The following HSF2BP variants were observed in gnomAD, a reference collection of about 807,000 sequenced individuals.
HSF2BP encodes the protein heat shock factor 2-binding protein.
HSF2BP carries 35 observed loss-of-function variants against 35.0 expected under a neutral mutation model. The ratio of observed to expected loss-of-function variants is 1.00; its 90% CI spans 0.76 to 1.32. The LOEUF is 1.32. Ranked by LOEUF, HSF2BP falls within the 40% of genes most tolerant of loss-of-function variation. HSF2BP has a pLI of 0.00. For missense variants in HSF2BP, 326 were observed against 321.7 expected, an observed-to-expected ratio of 1.01 and a Z score of -0.10; for synonymous variants, 114 against 117.4, an observed-to-expected ratio of 0.97 and a Z score of 0.18.
intron 8 of HSF2BP, among the ~76,000 whole-genome samples, chr21:43,574,693 T>C (rs1220249746): frequency 6.6e-6 from 1 of 152,124 alleles, no homozygotes; most frequent in African/African-American, 2.4e-5. Context: ...AGCTGTGGCC[T>C]AGTCCTCCCC....
intron 2 of HSF2BP, 37 bp downstream of exon 2, chr21:43,658,024 C>A: frequency 1.3e-6 from 2 of 1,535,482 alleles, no homozygotes; most frequent in South Asian, 2.4e-5. Context: ...GGCGACGGTT[C>A]AAACACGCTG....
intron 7 of HSF2BP, among the ~76,000 whole-genome samples, chr21:43,605,685 TCA>T (rs1241063080): frequency 1.4e-5 from 2 of 144,950 alleles, no homozygotes; most frequent in Non-Finnish European, 3.0e-5. Flanking sequence ...TCCCAATCCC[TCA>T]TAGTCCCACA....
At chr21:43,647,172 A>G (rs2082719583) in intron 3 of HSF2BP, among the ~76,000 whole-genome samples, 1 of 152,206 alleles carries the variant, frequency 6.6e-6, no homozygotes, top group East Asian at 1.9e-4. Flanking sequence ...CAGAAATAAT[A>G]TGAACAGTGA....
intron 7 of HSF2BP, among the ~76,000 whole-genome samples, chr21:43,611,932 G>A (rs767065838): frequency 6.6e-6 from 1 of 152,116 alleles, no homozygotes; most frequent in African/African-American, 2.4e-5. Context: ...ATAAATTCCT[G>A]GCCTCATCCC....
intron 1 of HSF2BP, among the ~76,000 whole-genome samples, chr21:43,658,627 G>A (rs2082915222): frequency 6.6e-6 from 1 of 152,230 alleles, no homozygotes; most frequent in Non-Finnish European, 1.5e-5. Context: ...CACGCCCGCT[G>A]AGTCCGCAAA....
chr21:43,580,772 T>G (rs760640868), intron 8 of HSF2BP, among the ~76,000 whole-genome samples: 3 of 152,220 alleles, frequency 2.0e-5, no homozygotes, highest in Non-Finnish European at 4.4e-5. Context: ...TCTTAAATAT[T>G]TTGCTTTTCT....
chr21:43,603,156 A>G (rs998605266), intron 7 of HSF2BP, among the ~76,000 whole-genome samples: 4 of 152,246 alleles, frequency 2.6e-5, no homozygotes, highest in Non-Finnish European at 5.9e-5. Context: ...GTTACCAAGT[A>G]TCAAGGAGGA....
At chr21:43,644,040 C>T (rs893736859) in intron 4 of HSF2BP, among the ~76,000 whole-genome samples, 44 of 151,914 alleles carry the variant, frequency 2.9e-4, no homozygotes, top group African/African-American at 9.7e-4. Flanking sequence ...TAATTATGAA[C>T]CTTTATGTTG....
intron 6 of HSF2BP, among the ~76,000 whole-genome samples, chr21:43,616,220 T>C (rs1160241809): frequency 6.6e-6 from 1 of 152,124 alleles, no homozygotes; most frequent in Non-Finnish European, 1.5e-5. Flanking sequence ...CCATGAGCCT[T>C]CCAAGGATGG....
At chr21:43,579,939 T>C (rs2838324) in intron 8 of HSF2BP, among the ~76,000 whole-genome samples, 103,505 of 152,136 alleles carry the variant, frequency 0.68, 35,671 homozygotes, top group East Asian at 0.79. Flanking sequence ...CAGAATATCA[T>C]GGAAGTGAAG....
intron 6 of HSF2BP, 64 bp downstream of exon 6, chr21:43,630,258 A>C: frequency 7.0e-7 from 1 of 1,423,808 alleles, no homozygotes; most frequent in South Asian, 1.4e-5. Flanking sequence ...TTATTGCAGT[A>C]TTTGCTTTAC....
chr21:43,649,327 G>A lies in HSF2BP; in HGVS notation c.188-4935C>T, dbSNP rs183702822. On this transcript the variant is annotated intron_variant, in intron 3 of 8. Transcript: ENST00000291560. ...GCGCACCTGTAGTCCCAGCTATTCG[G>A]GAGACTGAGGCAGGAGAATGGCATG... 2.0e-3 allele frequency among the ~76,000 whole-genome samples: 311 copies of A among 152,064 alleles called. 2 individuals carry two copies. The highest frequency in any genetic ancestry group is 6.9e-3 in the African/African-American group (287 of 41,490).
In HSF2BP at chr21:43,596,886, CA is replaced by C. The variant is rs869038891; in HGVS notation, c.693-4559del. 7.2e-3 allele frequency among the ~76,000 whole-genome samples: 220 copies of C among 30,658 alleles called. 1 individual carries two copies. Among genetic ancestry groups the C allele is most frequent in the East Asian group, 0.031 (26 of 836 alleles). The allele number at this position is 30,658 out of a possible 152,430, so 20.1% of individuals were successfully genotyped here. On this transcript the variant is annotated intron_variant, in intron 7 of 8. Coordinates refer to ENST00000291560, the MANE Select transcript of HSF2BP (RefSeq NM_007031.2). ...TGCGTGACAGAGCAGGACCCTGTCT[CA>C]AAAAAAAAAAAAAAAAAAGAGAATT...
At chr21:43,624,589 T>C (rs921355016) in intron 6 of HSF2BP, among the ~76,000 whole-genome samples, 5 of 152,188 alleles carry the variant, frequency 3.3e-5, no homozygotes, top group African/African-American at 1.2e-4. Flanking sequence ...GGTGCTCTGC[T>C]GGTAACTTTG....
At chr21:43,653,041 A>T (rs2082811609) in intron 3 of HSF2BP, among the ~76,000 whole-genome samples, 1 of 152,030 alleles carries the variant, frequency 6.6e-6, no homozygotes, top group African/African-American at 2.4e-5. Flanking sequence ...AGACTGAGGC[A>T]AGAGAATCGC....
At chr21:43,505,539 G>A in the HSF2BP span, among the ~76,000 whole-genome samples, 1 of 96,224 alleles carries the variant, frequency 1.0e-5, no homozygotes, top group East Asian at 2.4e-4. Flanking sequence ...CCTGAGATGT[G>A]AGCACATGCT....
intron 5 of HSF2BP, among the ~76,000 whole-genome samples, chr21:43,632,301 TAC>T (rs1161830185): frequency 5.2e-5 from 1 of 19,128 alleles, no homozygotes; most frequent in Non-Finnish European, 9.2e-5. Context: ...GGCTCCCACA[TAC>T]ACACACACGC....
chr21:43,632,296 CCA>C, intron 5 of HSF2BP, among the ~76,000 whole-genome samples: 1 of 85,824 alleles, frequency 1.2e-5, no homozygotes, highest in Non-Finnish European at 2.5e-5. Context: ...ACACAGGCTC[CCA>C]CATACACACA....
At chr21:43,577,350 C>G (rs1471005869) in intron 8 of HSF2BP, among the ~76,000 whole-genome samples, 1 of 152,186 alleles carries the variant, frequency 6.6e-6, no homozygotes, top group Non-Finnish European at 1.5e-5. Context: ...ACTACAGAAA[C>G]AGTCAAAATA....
Sources: allele counts gnomAD v4.1 joint callset (sites outside exome capture counted in the v4.1 genomes callset), GRCh38; gene constraint gnomAD v4.1.1; transcripts MANE v1.5; gene names NCBI Gene and HGNC (gene_info 2026-07-23, HGNC 2026-07-21).